Variants in EDA observed in about 807,000 individuals in gnomAD.
EDA encodes the protein ectodysplasin A.
In EDA, 2 loss-of-function variants were observed where a neutral mutation model predicts 23.6. The observed-to-expected ratio is 0.08, with a 90% CI of 0.03 to 0.27. The LOEUF is 0.27. EDA is among the 10% of genes least tolerant of loss of function. The pLI, the probability that EDA is intolerant of heterozygous loss-of-function variation, is 1.00. For synonymous variants in EDA, 131 were observed against 132.0 expected (o/e 0.99, Z 0.05); for missense variants, 229 against 324.2 (o/e 0.71, Z 2.26).
At chrX:69,893,613 C>T (rs1034289016) in intron 1 of EDA, among the ~76,000 whole-genome samples, 12 of 112,436 alleles carry the variant, frequency 1.1e-4, no homozygotes, top group African/African-American at 3.9e-4. Context: ...ATGGAATAAA[C>T]ATAAAGAATA....
intron 1 of EDA, among the ~76,000 whole-genome samples, chrX:69,732,488 G>C (rs1238380447): frequency 1.8e-5 from 2 of 111,994 alleles, no homozygotes; most frequent in Non-Finnish European, 3.8e-5. Context: ...ATTTTCTTAT[G>C]CAGTCTATCA....
At chrX:69,626,809 T>C (rs1485648797) in intron 1 of EDA, among the ~76,000 whole-genome samples, 1 of 111,977 alleles carries the variant, frequency 8.9e-6, no homozygotes, top group East Asian at 2.8e-4. Flanking sequence ...TAGAAATTAT[T>C]GAATTGTACA....
intron 1 of EDA, among the ~76,000 whole-genome samples, chrX:69,820,170 CTG>C (rs1272115274): frequency 9.0e-6 from 1 of 111,472 alleles, no homozygotes; most frequent in African/African-American, 3.3e-5. Context: ...GTAATTGGTG[CTG>C]AGAGTTCTAT....
At chrX:69,696,869 T>C (rs2011364740) in intron 1 of EDA, among the ~76,000 whole-genome samples, 1 of 112,743 alleles carries the variant, frequency 8.9e-6, no homozygotes, top group Non-Finnish European at 1.9e-5. Flanking sequence ...ACTTACATTT[T>C]GTAATTAATA....
intron 2 of EDA, among the ~76,000 whole-genome samples, chrX:70,017,390 G>T (rs1007192006): frequency 9.0e-6 from 1 of 111,210 alleles, no homozygotes; most frequent in Non-Finnish European, 1.9e-5. Flanking sequence ...CCAAAACTTG[G>T]CAGAGACAAA....
chrX:69,681,684 A>T (rs1934357880), intron 1 of EDA, among the ~76,000 whole-genome samples: 1 of 109,825 alleles, frequency 9.1e-6, no homozygotes, highest in Non-Finnish European at 1.9e-5. Flanking sequence ...AGCTCCTTTA[A>T]GCACTTCTCT....
intron 1 of EDA, among the ~76,000 whole-genome samples, chrX:69,715,205 G>A (rs939632155): frequency 5.5e-5 from 6 of 108,616 alleles, no homozygotes; most frequent in South Asian, 4.0e-4. Flanking sequence ...AGCCTAGTAC[G>A]CAAGAGTTAT....
At chrX:69,682,663 C>T (rs1444881234) in intron 1 of EDA, among the ~76,000 whole-genome samples, 1 of 111,899 alleles carries the variant, frequency 8.9e-6, no homozygotes, top group African/African-American at 3.2e-5. Flanking sequence ...TGAGGCAATG[C>T]CTCGCCCTGC....
At chrX:69,791,352 A>T (rs965479990) in intron 1 of EDA, among the ~76,000 whole-genome samples, 14 of 111,654 alleles carry the variant, frequency 1.3e-4, no homozygotes, top group Non-Finnish European at 1.1e-4. Context: ...ATCCCATTTT[A>T]TGGGAACCAC....
intron 2 of EDA, among the ~76,000 whole-genome samples, chrX:69,999,547 C>A (rs1465858279): frequency 9.6e-6 from 1 of 104,249 alleles, no homozygotes; most frequent in Non-Finnish European, 1.9e-5. Context: ...ACCCAGGAGG[C>A]AGAGGTTGCA....
chrX:69,716,356 T>A (rs1234165464), intron 1 of EDA, among the ~76,000 whole-genome samples: 1 of 111,900 alleles, frequency 8.9e-6, no homozygotes, highest in Non-Finnish European at 1.9e-5. Context: ...TTTTGTTGAC[T>A]TTGTCAAAGA....
intron 1 of EDA, among the ~76,000 whole-genome samples, chrX:69,749,351 G>C (rs752300834): frequency 2.6e-3 from 233 of 88,510 alleles, no homozygotes; most frequent in African/African-American, 9.4e-3. Context: ...TTGGACATTT[G>C]GGTTGGTTCC....
At chrX:69,716,001 A>G (rs916793045) in intron 1 of EDA, among the ~76,000 whole-genome samples, 1 of 111,223 alleles carries the variant, frequency 9.0e-6, no homozygotes, top group Non-Finnish European at 1.9e-5. Context: ...GTTTACACAT[A>G]TTTTCTCCTA....
chrX:70,026,603 A>G (rs749948466), intron 3 of EDA, among the ~76,000 whole-genome samples: 19 of 111,875 alleles, frequency 1.7e-4, no homozygotes, highest in Non-Finnish European at 2.8e-4. Flanking sequence ...CACAAATAGA[A>G]TAAGAGCTTA....
chrX:69,645,259 A>G (rs1932894927), intron 1 of EDA, among the ~76,000 whole-genome samples: 1 of 109,609 alleles, frequency 9.1e-6, no homozygotes, highest in African/African-American at 3.3e-5. Flanking sequence ...GCTCTTTGTC[A>G]AAGTCTTAAT....
At chrX:69,621,931 A>T (rs1045094242) in intron 1 of EDA, among the ~76,000 whole-genome samples, 17 of 109,196 alleles carry the variant, frequency 1.6e-4, no homozygotes, top group African/African-American at 4.8e-4. Context: ...GCTCATTTTT[A>T]ATTTTTTTAT....
intron 1 of EDA, among the ~76,000 whole-genome samples, chrX:69,918,787 A>G (rs944631879): frequency 9.0e-6 from 1 of 111,575 alleles, no homozygotes; most frequent in African/African-American, 3.3e-5. Context: ...TTCACTATAA[A>G]TAAATTTATT....
chrX:69,933,420 G>A lies in EDA; in HGVS notation c.397-23607G>A, dbSNP rs181702525. Among the ~76,000 whole-genome samples, 906 of 111,666 alleles carry A rather than the reference G, an allele frequency of 8.1e-3. 9 individuals carry two copies. Among genetic ancestry groups the A allele is most frequent in the African/African-American group, 0.028 (873 of 30,762 alleles). On this transcript the variant is annotated intron_variant, in intron 1 of 7. Coordinates refer to ENST00000374552, the MANE Select transcript of EDA (RefSeq NM_001399.5). ...GGATAGGCCTGGCGTGGTGGCTCACGCCTATAATCCCAGCACTTTGGGAGG... is the reference window on the plus strand; with the variant it reads ...GGATAGGCCTGGCGTGGTGGCTCACACCTATAATCCCAGCACTTTGGGAGG...
chrX:70,027,326 C>T (rs2020120762), intron 3 of EDA, among the ~76,000 whole-genome samples: 1 of 111,389 alleles, frequency 9.0e-6, no homozygotes, highest in Admixed American at 9.6e-5. Flanking sequence ...TTTCTATATG[C>T]TCAAACCTAG....
Sources: allele counts gnomAD v4.1 joint callset (sites outside exome capture counted in the v4.1 genomes callset), GRCh38; gene constraint gnomAD v4.1.1; transcripts MANE v1.5; gene names NCBI Gene and HGNC (gene_info 2026-07-23, HGNC 2026-07-21).